Variants in PLCG2 observed in about 807,000 individuals in gnomAD.
PLCG2 encodes phospholipase C gamma 2.
PLCG2 carries 69 observed loss-of-function variants against 175.6 expected under a neutral mutation model. That is an observed-to-expected ratio of 0.39 (90% CI 0.32 to 0.48). PLCG2 has a LOEUF of 0.48. Ranked by LOEUF, PLCG2 falls within the 20% of genes least tolerant of loss-of-function variation. The pLI is 0.91. For synonymous variants in PLCG2, 827 were observed against 624.0 expected, an observed-to-expected ratio of 1.33 and a Z score of -4.85; for missense variants, 1,798 against 1,650.9, an observed-to-expected ratio of 1.09 and a Z score of -1.54.
At chr16:81,850,493 C>G (rs979009701) in intron 2 of PLCG2, among the ~76,000 whole-genome samples, 1 of 152,184 alleles carries the variant, frequency 6.6e-6, no homozygotes, top group Admixed American at 6.5e-5. Context: ...CCATCTTTTA[C>G]TGACCGTGCG....
intron 6 of PLCG2, 128 bp from the exon 7 acceptor site, chr16:81,870,724 A>C: frequency 1.9e-6 from 1 of 538,100 alleles, no homozygotes; most frequent in South Asian, 2.7e-5. Flanking sequence ...ATGTGGTCAT[A>C]GCTGTCTCTT....
chr16:81,889,988 G>A (rs972968692), intron 10 of PLCG2, among the ~76,000 whole-genome samples: 4 of 151,954 alleles, frequency 2.6e-5, no homozygotes, highest in East Asian at 1.9e-4. Flanking sequence ...ATTGTTTGGC[G>A]GGCCAGGGAA....
intron 7 of PLCG2, among the ~76,000 whole-genome samples, chr16:81,874,255 G>A (rs1368202302): frequency 2.0e-5 from 3 of 152,200 alleles, no homozygotes; most frequent in South Asian, 4.1e-4. Context: ...GCCATGGAAC[G>A]GTCCACTTTC....
intron 1 of PLCG2, among the ~76,000 whole-genome samples, chr16:81,740,749 A>C (rs1192987190): frequency 4.1e-4 from 61 of 148,254 alleles, no homozygotes; most frequent in African/African-American, 1.4e-3. Flanking sequence ...AAAAAAAAAA[A>C]AAAAAAAAAA....
intron 2 of PLCG2, among the ~76,000 whole-genome samples, chr16:81,805,510 A>C (rs1466794114): frequency 2.0e-5 from 3 of 150,884 alleles, no homozygotes; most frequent in Non-Finnish European, 3.0e-5. Flanking sequence ...GAAAAAAAAA[A>C]AAAAAAAACA....
At chr16:81,891,333 G>A in intron 10 of PLCG2, 139 bp from the exon 11 acceptor site, 1 of 653,306 alleles carries the variant, frequency 1.5e-6, no homozygotes, top group Non-Finnish European at 2.8e-6. Flanking sequence ...GAAAACGTGG[G>A]TAACTGAGGT....
intron 18 of PLCG2, among the ~76,000 whole-genome samples, 167 bp from the exon 19 acceptor site, chr16:81,912,430 C>T (rs186640236): frequency 4.5e-4 from 68 of 152,344 alleles, no homozygotes; most frequent in South Asian, 3.5e-3. Context: ...CACAAATTCT[C>T]TTTGCTGAGG....
In PLCG2 at chr16:81,861,095, G is replaced by A. The variant is rs73592981; in HGVS notation, c.479+1932G>A. On this transcript the variant is annotated intron_variant, in intron 5 of 32. Transcript: ENST00000564138. Reference sequence around the variant, plus strand: ...AAACCCTACCATTTATTGAACAACCGTGTATTTGGCATGCCAGGGATTGCA... The same window carrying A: ...AAACCCTACCATTTATTGAACAACCATGTATTTGGCATGCCAGGGATTGCA... 4.5e-3 allele frequency among the ~76,000 whole-genome samples: 687 copies of A among 152,166 alleles called. 8 individuals are homozygous for A. Among genetic ancestry groups the A allele is most frequent in the African/African-American group, 0.016 (673 of 41,508 alleles).
intron 25 of PLCG2, among the ~76,000 whole-genome samples, chr16:81,932,281 C>A (rs1252447384): frequency 6.6e-6 from 1 of 152,154 alleles, no homozygotes; most frequent in Non-Finnish European, 1.5e-5. Flanking sequence ...GGGCAAGTAA[C>A]CACACTTCTC....
intron 2 of PLCG2, among the ~76,000 whole-genome samples, chr16:81,763,115 T>C (rs1910074908): frequency 1.3e-5 from 2 of 152,306 alleles, no homozygotes; most frequent in South Asian, 4.1e-4. Context: ...AAATACTTGC[T>C]TGCTCAGATT....
intron 17 of PLCG2, among the ~76,000 whole-genome samples, chr16:81,909,640 C>T (rs1295617037): frequency 2.6e-5 from 4 of 151,964 alleles, no homozygotes; most frequent in Non-Finnish European, 5.9e-5. Context: ...TGGTTTTGAA[C>T]TCAGCTCAAG....
At chr16:81,939,147 C>T (rs1408177660) in intron 29 of PLCG2, among the ~76,000 whole-genome samples, 1 of 152,110 alleles carries the variant, frequency 6.6e-6, no homozygotes, top group Non-Finnish European at 1.5e-5. Flanking sequence ...AGTCCGGAAT[C>T]GTAGGTGAGG....
chr16:81,752,125 C>T (rs1001137691), intron 1 of PLCG2, among the ~76,000 whole-genome samples: 3 of 152,142 alleles, frequency 2.0e-5, no homozygotes, highest in Admixed American at 6.5e-5. Context: ...CCGTCTATCA[C>T]GTATGAACTA....
At chr16:81,779,015 T>G (rs1008065921), upstream of PLCG2, among the ~76,000 whole-genome samples, 40 of 152,154 alleles carry the variant, frequency 2.6e-4, no homozygotes, top group African/African-American at 9.6e-4. Context: ...TCTCCAGGAA[T>G]GCCATGATAT....
At chr16:81,925,549 T>C (rs1478894423) in intron 22 of PLCG2, among the ~76,000 whole-genome samples, 1 of 152,084 alleles carries the variant, frequency 6.6e-6, no homozygotes, top group Admixed American at 6.5e-5. Context: ...GACCAAAAAA[T>C]TGTTAAGTTC....
intron 1 of PLCG2, among the ~76,000 whole-genome samples, chr16:81,741,539 G>T (rs1909594366): frequency 6.6e-6 from 1 of 152,194 alleles, no homozygotes; most frequent in Admixed American, 6.5e-5. Context: ...GCCAGACGTG[G>T]TGGCTCACAC....
At position 81,896,046 on chromosome 16, in the gene PLCG2, G is replaced by A. The variant is rs560579807; in HGVS notation, c.1193+119G>A. ...CCTCCCTCCAAATGCGGGAAGGCCT[G>A]GGCCCCATCTTGGCCAAAGCCACTG... On this transcript the variant is annotated intron_variant, in intron 13 of 32. Transcript: ENST00000564138. The A allele has an allele frequency of 1.1e-5, 14 of 1,301,628 alleles. No individual in the cohort carries two copies. The African/African-American group carries it at 1.7e-4, about 16-fold the overall frequency. The allele number at this position is 1,301,628 out of a possible 1,614,324, so 80.6% of individuals were successfully genotyped here. A position where few individuals can be genotyped will look rare whatever the true frequency, so the allele number is the denominator to read the frequency against.
Position 81,891,530 on chromosome 16 carries a change from T to C in PLCG2, c.926T>C (p.Val309Ala). 1 of 1,612,992 alleles carries C rather than the reference T, an allele frequency of 6.2e-7. No homozygotes were observed. Among genetic ancestry groups the C allele is most frequent in the Non-Finnish European group, 8.5e-7 (1 of 1,178,988 alleles). The change falls in exon 11 of 33, where the codon GTG becomes GCG. Residue 309 changes from valine (V) to alanine (A), a missense_variant. Coordinates refer to ENST00000564138, the MANE Select transcript of PLCG2 (RefSeq NM_002661.5). ...ATCTGGGATGAGAAGTATGACGCGG[T>C]GGACATGCAGGACATGAACAACCCC... ...NSIWDEKYDAVDMQDMNNPLS... is the reference protein window; with the variant it reads ...NSIWDEKYDAADMQDMNNPLS...
intron 2 of PLCG2, among the ~76,000 whole-genome samples, chr16:81,768,716 C>T (rs1021948784): frequency 3.3e-5 from 5 of 151,994 alleles, no homozygotes; most frequent in Admixed American, 1.3e-4. Context: ...CAGGTTTCCC[C>T]CACCATACCT....
Sources: allele counts gnomAD v4.1 joint callset (sites outside exome capture counted in the v4.1 genomes callset), GRCh38; gene constraint gnomAD v4.1.1; transcripts MANE v1.5; gene names NCBI Gene and HGNC (gene_info 2026-07-23, HGNC 2026-07-21).